The following SAMMSON variants were observed in gnomAD, a reference collection of about 807,000 sequenced individuals.
SAMMSON encodes the protein survival associated mitochondrial melanoma specific oncogenic non-coding RNA, also known as long intergenic non-protein coding RNA 1212.
At chr3:70,188,808 T>G (rs1701110113) in intron 4 of SAMMSON, among the ~76,000 whole-genome samples, 1 of 152,224 alleles carries the variant, frequency 6.6e-6, no homozygotes, top group Non-Finnish European at 1.5e-5. Context: ...CAGAGAGGTT[T>G]AGTTACTAAC....
At chr3:70,030,086 G>T (rs2067058676) in intron 3 of SAMMSON, among the ~76,000 whole-genome samples, 2 of 152,138 alleles carry the variant, frequency 1.3e-5, no homozygotes. Flanking sequence ...AGAGAAATTG[G>T]CATGACAATG....
At chr3:70,020,128 G>A (rs1300152256) in intron 3 of SAMMSON, among the ~76,000 whole-genome samples, 1 of 152,038 alleles carries the variant, frequency 6.6e-6, no homozygotes, top group Admixed American at 6.6e-5. Context: ...TGAGGGACTG[G>A]GCCGAGCACC....
chr3:69,999,599 G>C (rs1000946574), upstream of SAMMSON: 4 of 152,200 alleles, frequency 2.6e-5, no homozygotes, highest in Admixed American at 2.0e-4. Context: ...TCCCTGGCTC[G>C]GCTCTACCCC....
chr3:70,348,454 T>C (rs534251727), intron 7 of SAMMSON, among the ~76,000 whole-genome samples: 1 of 152,202 alleles, frequency 6.6e-6, no homozygotes, highest in Non-Finnish European at 1.5e-5. Context: ...CAGATGGCTG[T>C]CTTCACACCG....
At chr3:70,415,949 CT>C (rs1445630859) in intron 2 of SAMMSON, among the ~76,000 whole-genome samples, 2 of 152,110 alleles carry the variant, frequency 1.3e-5, no homozygotes, top group Non-Finnish European at 2.9e-5. Flanking sequence ...AAATGTCTAT[CT>C]CGTTCTCCTA....
At chr3:70,277,607 C>G (rs1035490270) in intron 6 of SAMMSON, among the ~76,000 whole-genome samples, 3 of 152,164 alleles carry the variant, frequency 2.0e-5, no homozygotes, top group Non-Finnish European at 4.4e-5. Flanking sequence ...CTGTGTCATA[C>G]TTCAAAACTG....
chr3:70,124,801 C>A (rs778893823), intron 4 of SAMMSON, among the ~76,000 whole-genome samples: 1 of 102,096 alleles, frequency 9.8e-6, no homozygotes, highest in Non-Finnish European at 1.7e-5. Flanking sequence ...GGCAACAGAG[C>A]GAGACTCCAT....
At chr3:70,147,120 A>G (rs1255364037) in intron 4 of SAMMSON, among the ~76,000 whole-genome samples, 2 of 152,036 alleles carry the variant, frequency 1.3e-5, no homozygotes, top group African/African-American at 4.8e-5. Flanking sequence ...AACATCCTTA[A>G]AAGCTATTTG....
intron 6 of SAMMSON, among the ~76,000 whole-genome samples, chr3:70,269,607 C>T (rs970134443): frequency 6.6e-6 from 1 of 152,122 alleles, no homozygotes; most frequent in South Asian, 2.1e-4. Flanking sequence ...CAGTTCTTGA[C>T]TTTTTCTTTG....
At chr3:70,023,055 T>C (rs2067022180) in intron 3 of SAMMSON, among the ~76,000 whole-genome samples, 2 of 152,172 alleles carry the variant, frequency 1.3e-5, no homozygotes, top group Non-Finnish European at 2.9e-5. Flanking sequence ...ATGATCCGAA[T>C]TGCAAAATCT....
At chr3:70,265,240 A>G (rs1701905471) in intron 6 of SAMMSON, among the ~76,000 whole-genome samples, 1 of 152,164 alleles carries the variant, frequency 6.6e-6, no homozygotes, top group East Asian at 1.9e-4. Context: ...GATAAATCAT[A>G]TTTAAGTTGA....
intron 3 of SAMMSON, among the ~76,000 whole-genome samples, chr3:70,016,601 T>A: frequency 6.6e-6 from 1 of 152,152 alleles, no homozygotes. Context: ...TTAGATCCCA[T>A]TTGTCAATTT....
chr3:70,128,041 A>G (rs935984202), intron 4 of SAMMSON, among the ~76,000 whole-genome samples: 1 of 152,188 alleles, frequency 6.6e-6, no homozygotes, highest in Admixed American at 6.5e-5. Context: ...TTTTCAGTTC[A>G]CATGTTGAGT....
chr3:70,125,332 T>C lies in SAMMSON; in HGVS notation n.507+53767T>C, dbSNP rs555652833. ...ATTTAAGGTCCTTTTCTTGAACATG[T>C]TTAGCTAAATTCTTTACATAAATTC... On this transcript the variant is annotated intron_variant and non_coding_transcript_variant, in intron 4 of 9. Transcript: ENST00000642114. 56 of 1,425,800 alleles carry C rather than the reference T, an allele frequency of 3.9e-5. No individual in the cohort carries two copies. The South Asian group carries it at 6.2e-4, about 16-fold the overall frequency. The allele number at this position is 1,425,800 out of a possible 1,614,324, so 88.3% of individuals were successfully genotyped here.
chr3:70,379,039 A>G (rs1204468446), intron 9 of SAMMSON, among the ~76,000 whole-genome samples: 2 of 148,230 alleles, frequency 1.3e-5, no homozygotes, highest in African/African-American at 5.0e-5. Flanking sequence ...TTTAAGACGG[A>G]GTCTCACTCT....
At chr3:70,176,560 T>C (rs1253353136) in intron 4 of SAMMSON, among the ~76,000 whole-genome samples, 5 of 152,192 alleles carry the variant, frequency 3.3e-5, no homozygotes. Flanking sequence ...TTGTTATTAA[T>C]ACAATGGTAA....
intron 4 of SAMMSON, chr3:70,206,621 T>C: frequency 2.5e-6 from 1 of 397,842 alleles, no homozygotes; most frequent in Admixed American, 4.4e-5. Flanking sequence ...AAGAAAATGT[T>C]GTTTGGCATT....
At chr3:70,391,066 G>T (rs1389561084), downstream of SAMMSON, among the ~76,000 whole-genome samples, 1 of 152,130 alleles carries the variant, frequency 6.6e-6, no homozygotes, top group Non-Finnish European at 1.5e-5. Flanking sequence ...AGAGTGACTA[G>T]TGGTAATTTA....
At chr3:70,237,990 T>TTTTTA in intron 4 of SAMMSON, among the ~76,000 whole-genome samples, 1 of 133,120 alleles carries the variant, frequency 7.5e-6, no homozygotes, top group Non-Finnish European at 1.6e-5. Context: ...TTTTTTTTTT[T>TTTTTA]TTTTTTTTTT....
Sources: allele counts gnomAD v4.1 joint callset (sites outside exome capture counted in the v4.1 genomes callset), GRCh38; gene constraint gnomAD v4.1.1; transcripts MANE v1.5; gene names NCBI Gene and HGNC (gene_info 2026-07-23, HGNC 2026-07-21).